R3HDM1: variants seen among roughly 807,000 people sequenced by gnomAD.
R3HDM1 encodes R3H domain-containing protein 1.
Under a neutral mutation model 141.1 loss-of-function variants are expected in R3HDM1, and 46 were observed. The observed-to-expected ratio is 0.33, with a 90% CI of 0.26 to 0.42. The LOEUF (loss-of-function observed/expected upper bound fraction) is 0.42, where lower values mean the gene tolerates loss of function less well. Ranked by LOEUF, R3HDM1 falls within the 10% of genes least tolerant of loss-of-function variation. The probability of loss-of-function intolerance (pLI) is 1.00; values close to 1 mark genes in which losing one functional copy is unlikely to be tolerated. For synonymous variants in R3HDM1, 435 were observed against 472.9 expected (o/e 0.92, Z 1.04); for missense variants, 1,184 against 1,368.3 (o/e 0.87, Z 2.12).
chr2:135,541,577 G>A (rs187549245), intron 1 of R3HDM1, among the ~76,000 whole-genome samples: 3 of 151,942 alleles, frequency 2.0e-5, no homozygotes, highest in Admixed American at 1.3e-4. Context: ...GAAGAGATGG[G>A]GTATCAGCCA....
chr2:135,723,539 A>G (rs2076900045), intron 26 of R3HDM1, among the ~76,000 whole-genome samples: 1 of 151,432 alleles, frequency 6.6e-6, no homozygotes, highest in Non-Finnish European at 1.5e-5. Context: ...TGGGAGGCTG[A>G]GGCAGGTGGA....
chr2:135,617,326 CAA>C (rs1217130497), intron 5 of R3HDM1, among the ~76,000 whole-genome samples: 3 of 139,976 alleles, frequency 2.1e-5, no homozygotes, highest in Admixed American at 6.7e-5. Context: ...GACTCCATCT[CAA>C]AAAAAAATAT....
intron 20 of R3HDM1, 107 bp from the exon 21 acceptor site, chr2:135,680,066 C>T: frequency 2.6e-6 from 3 of 1,174,074 alleles, no homozygotes; most frequent in Non-Finnish European, 3.6e-6. Context: ...GGCAACAGAG[C>T]AAGAATTCAT....
chr2:135,640,028 G>A (rs1373579929), intron 14 of R3HDM1, among the ~76,000 whole-genome samples: 1 of 151,830 alleles, frequency 6.6e-6, no homozygotes, highest in Admixed American at 6.6e-5. Context: ...GAACCCAGGA[G>A]GCAGAGGCTG....
intron 1 of R3HDM1, among the ~76,000 whole-genome samples, chr2:135,568,332 G>A (rs1703263596): frequency 6.6e-6 from 1 of 151,860 alleles, no homozygotes; most frequent in Non-Finnish European, 1.5e-5. Context: ...ATAGGAGTAA[G>A]CCACTGCACC....
chr2:135,667,016 C>T, intron 19 of R3HDM1: 1 of 753,144 alleles, frequency 1.3e-6, no homozygotes, highest in African/African-American at 1.9e-5. Flanking sequence ...GTGAAATAAC[C>T]TTAGATTCAT....
chr2:135,719,277 G>A (rs1228684570), intron 24 of R3HDM1, among the ~76,000 whole-genome samples: 1 of 152,008 alleles, frequency 6.6e-6, no homozygotes, highest in Admixed American at 6.6e-5. Flanking sequence ...CAGCCTATTA[G>A]GAGGGGTCTT....
In R3HDM1 at chr2:135,540,997, C is replaced by A. The variant is rs77513370; in HGVS notation, c.-250+9364C>A. ...GAACAGTAAGTTTTTTAAAAGGAGT[C>A]TTTTTTTTCTGAGCAGTAGGTGTCA... On this transcript the variant is annotated intron_variant, in intron 1 of 26. Transcript: ENST00000683871. Among the ~76,000 whole-genome samples, 1,370 of 151,988 alleles carry A rather than the reference C, an allele frequency of 9.0e-3. 19 individuals are homozygous for A. Among genetic ancestry groups the A allele is most frequent in the African/African-American group, 0.03 (1,234 of 41,462 alleles).
rs139512113 is a variant in R3HDM1 at position 135,646,954 on chromosome 2, T to C, written c.1623+1427T>C. ...TTTCATTAATTTTGCTCACAAATGA[T>C]ATCATTTGTATTGCAGGGTTGAAGA... On this transcript the variant is annotated intron_variant, in intron 16 of 26. Coordinates refer to ENST00000683871, the MANE Select transcript of R3HDM1 (RefSeq NM_001378107.1). 6.1e-3 allele frequency among the ~76,000 whole-genome samples: 931 copies of C among 151,482 alleles called. 8 individuals carry two copies. The highest frequency in any genetic ancestry group is 0.04 in the South Asian group (194 of 4,804).
At chr2:135,554,659 A>T (rs182442982) in intron 1 of R3HDM1, among the ~76,000 whole-genome samples, 1 of 152,316 alleles carries the variant, frequency 6.6e-6, no homozygotes, top group East Asian at 1.9e-4. Context: ...CTATTTCAAT[A>T]TATTAATAAC....
intron 21 of R3HDM1, among the ~76,000 whole-genome samples, chr2:135,685,214 C>G (rs942857365): frequency 1.3e-5 from 2 of 152,086 alleles, no homozygotes; most frequent in African/African-American, 4.8e-5. Context: ...CTAACCTTCT[C>G]TCTCCCTACC....
intron 20 of R3HDM1, among the ~76,000 whole-genome samples, chr2:135,678,110 G>T (rs1303734016): frequency 6.6e-6 from 1 of 151,910 alleles, no homozygotes; most frequent in Non-Finnish European, 1.5e-5. Context: ...GATTACAGGC[G>T]CATGCCACCA....
intron 1 of R3HDM1, among the ~76,000 whole-genome samples, chr2:135,600,102 G>GTTT (rs1559208218): frequency 1.6e-4 from 21 of 133,052 alleles, no homozygotes; most frequent in African/African-American, 6.1e-4. Flanking sequence ...AAGTTCGTAT[G>GTTT]ATTTTTTTTT....
At chr2:135,651,245 A>G in intron 17 of R3HDM1, 8 of 985,284 alleles carry the variant, frequency 8.1e-6, no homozygotes, top group Non-Finnish European at 9.6e-6. Context: ...TCTGCAAATA[A>G]TTTTCGTGGT....
chr2:135,722,372 C>T, intron 25 of R3HDM1, 97 bp from the exon 26 acceptor site: 1 of 1,320,640 alleles, frequency 7.6e-7, no homozygotes, highest in Non-Finnish European at 1.0e-6. Flanking sequence ...GAGTGCAAAA[C>T]CCAAACTAAA....
chr2:135,584,894 T>C (rs967622042), intron 1 of R3HDM1, among the ~76,000 whole-genome samples: 1 of 152,228 alleles, frequency 6.6e-6, no homozygotes, highest in Non-Finnish European at 1.5e-5. Context: ...TTACAGTTTT[T>C]AAGAAAAGCT....
intron 1 of R3HDM1, among the ~76,000 whole-genome samples, chr2:135,593,967 G>A (rs1437755633): frequency 2.0e-5 from 3 of 152,080 alleles, no homozygotes; most frequent in Non-Finnish European, 2.9e-5. Flanking sequence ...TGATCCGCCC[G>A]CCTCAGCCTC....
chr2:135,608,042 G>A (rs373264537), intron 3 of R3HDM1: 78 of 922,186 alleles, frequency 8.5e-5, no homozygotes, highest in East Asian at 1.2e-4. Context: ...TGGGCCGGGC[G>A]CAGTGGCTCA....
At chr2:135,704,816 T>C (rs540633875) in intron 21 of R3HDM1, among the ~76,000 whole-genome samples, 23 of 152,324 alleles carry the variant, frequency 1.5e-4, no homozygotes, top group African/African-American at 4.3e-4. Context: ...TTATTGGTCA[T>C]AGTAAAAATT....
Sources: gnomAD v4.1 joint callset for allele counts (sites outside exome capture counted in the v4.1 genomes callset) on GRCh38, gnomAD v4.1.1 for gene constraint, MANE v1.5 for transcripts, NCBI Gene and HGNC (gene_info 2026-07-23, HGNC 2026-07-21) for gene names.